The following SEC63 variants were observed in gnomAD, a reference collection of about 807,000 sequenced individuals.
The protein encoded by SEC63 is SEC63 protein translocation regulator.
Under a neutral mutation model 116.2 loss-of-function variants are expected in SEC63, and 56 were observed. The ratio of observed to expected loss-of-function variants is 0.48; its 90% CI spans 0.39 to 0.60. SEC63 has a LOEUF of 0.60. Ranked by LOEUF, SEC63 falls within the 20% of genes least tolerant of loss-of-function variation. The probability of loss-of-function intolerance (pLI) is 0.00; values close to 1 mark genes in which losing one functional copy is unlikely to be tolerated. For synonymous variants in SEC63, 273 were observed against 294.6 expected (o/e 0.93, Z 0.75); for missense variants, 668 against 900.0 (o/e 0.74, Z 3.30).
intron 1 of SEC63, among the ~76,000 whole-genome samples, chr6:107,951,116 G>C (rs1402046844): frequency 3.3e-5 from 5 of 152,114 alleles, no homozygotes; most frequent in African/African-American, 9.7e-5. Context: ...CACTAGGAAA[G>C]ACAAACATTA....
At chr6:107,933,058 G>A (rs1420005878) in intron 1 of SEC63, among the ~76,000 whole-genome samples, 1 of 152,056 alleles carries the variant, frequency 6.6e-6, no homozygotes, top group Non-Finnish European at 1.5e-5. Context: ...CATAATCACA[G>A]GGGTACTTTT....
Position 107,929,403 on chromosome 6 carries a change from T to A in SEC63, c.224+12A>T. 7.1e-7 allele frequency: 1 copy of A among 1,411,826 alleles called. No homozygotes were observed. Among genetic ancestry groups the A allele is most frequent in the Non-Finnish European group, 1.0e-6 (1 of 996,646 alleles). The allele number at this position is 1,411,826 out of a possible 1,614,324, so 87.5% of individuals were successfully genotyped here. On this transcript the variant is annotated intron_variant, in intron 2 of 20. Coordinates refer to ENST00000369002, the MANE Select transcript of SEC63 (RefSeq NM_007214.5). ...CATTAAGTAGGTTTTTTTCTTGAAA[T>A]CCATTACTTACTTTACTGTAGGAAT...
chr6:107,941,877 C>A (rs960427946), intron 1 of SEC63, among the ~76,000 whole-genome samples: 1 of 152,152 alleles, frequency 6.6e-6, no homozygotes, highest in Non-Finnish European at 1.5e-5. Context: ...AAGAGAAAAA[C>A]GGGACACATA....
At chr6:107,915,356 A>C (rs1020460389) in intron 4 of SEC63, among the ~76,000 whole-genome samples, 2 of 152,168 alleles carry the variant, frequency 1.3e-5, no homozygotes, top group African/African-American at 2.4e-5. Flanking sequence ...CAGGGACTCC[A>C]GATCATAAAT....
rs1770752129 is a variant in SEC63, at chr6:107,958,110, C to A, written c.-101G>T. On this transcript the variant is annotated 5_prime_UTR_variant, in exon 1 of 21. Transcript: ENST00000369002. ...CGGCCCGAGTGGCGTAGCTTGGACA[C>A]TGCCGCCGCCGCCTCTCCTCCCCGC... 3.2e-6 allele frequency: 5 copies of A among 1,548,088 alleles called. No individual in the cohort carries two copies. The South Asian group carries it at 4.5e-5, about 14-fold the overall frequency.
At chr6:107,882,401 C>T (rs1035478623) in intron 17 of SEC63, among the ~76,000 whole-genome samples, 4 of 152,170 alleles carry the variant, frequency 2.6e-5, no homozygotes, top group Non-Finnish European at 5.9e-5. Context: ...AAATTATGTG[C>T]AACTTAATGC....
intron 12 of SEC63, 99 bp downstream of exon 12, chr6:107,902,745 A>G (rs1483420980): frequency 1.7e-6 from 2 of 1,157,108 alleles, no homozygotes; most frequent in Non-Finnish European, 2.6e-6. Flanking sequence ...CTAAATCTAA[A>G]AAATGCATAG....
intron 1 of SEC63, among the ~76,000 whole-genome samples, chr6:107,938,247 AT>A (rs4028676): frequency 0.1 from 13,811 of 133,772 alleles, 670 homozygotes; most frequent in East Asian, 0.21. Context: ...TGGTGAGTTA[AT>A]TTTTTTTTTT....
chr6:107,893,662 A>T lies in SEC63; in HGVS notation c.1501-7T>A. On this transcript the variant is annotated splice_polypyrimidine_tract_variant and splice_region_variant and intron_variant, in intron 15 of 20. Transcript: ENST00000369002. ...TCTTGTTAGTTTCACCCTGCTGTGA[A>T]TCATAACACGTCACACTCTTAAGTT... 6.2e-7 allele frequency: 1 copy of T among 1,613,908 alleles called. No individual in the cohort carries two copies. Among genetic ancestry groups the T allele is most frequent in the Non-Finnish European group, 8.5e-7 (1 of 1,179,938 alleles).
At chr6:107,924,731 G>C (rs1787636535) in intron 3 of SEC63, 87 bp downstream of exon 3, 28 of 729,432 alleles carry the variant, frequency 3.8e-5, no homozygotes, top group South Asian at 3.6e-4. Context: ...ATTTCTATAG[G>C]AATAGACAAT....
At chr6:107,910,597 C>T (rs1277448364) in intron 7 of SEC63, among the ~76,000 whole-genome samples, 4 of 151,606 alleles carry the variant, frequency 2.6e-5, no homozygotes, top group African/African-American at 9.7e-5. Context: ...GTATGTCATA[C>T]ACACACGTGT....
chr6:107,957,995 C>A lies in SEC63; in HGVS notation c.15G>T (p.Gln5His). ...TGTTCCCACTGTCATCGTACTGGAACTGCTGCCCGGCCATGGCACCCCCTC... is the reference window on the plus strand; with the variant it reads ...TGTTCCCACTGTCATCGTACTGGAAATGCTGCCCGGCCATGGCACCCCCTC... MAGQ[Q>H]FQYDDSGNTF... Residue 5 changes from glutamine to histidine, a missense_variant, in exon 1 of 21, where the codon CAG (glutamine) becomes CAT (histidine). Physicochemically the swap from Gln to His is conservative, Grantham distance 24. Transcript: ENST00000369002. 1 of 1,613,470 alleles carries A rather than the reference C, an allele frequency of 6.2e-7. No individual in the cohort carries two copies. The highest frequency in any genetic ancestry group is 1.7e-5 in the Admixed American group (1 of 60,012).
chr6:107,894,333 A>G (rs925957708), intron 14 of SEC63, among the ~76,000 whole-genome samples: 3 of 152,172 alleles, frequency 2.0e-5, no homozygotes, highest in Admixed American at 2.0e-4. Flanking sequence ...TTTATTCACT[A>G]TTGTCAGTGA....
intron 20 of SEC63, 152 bp downstream of exon 20, chr6:107,872,656 G>A (rs538242685): frequency 4.0e-5 from 23 of 582,260 alleles, no homozygotes; most frequent in African/African-American, 3.6e-4. Context: ...GTTTATTATT[G>A]AAAGAGTAGT....
At chr6:107,879,078 G>A (rs1445050661) in intron 18 of SEC63, among the ~76,000 whole-genome samples, 1 of 152,228 alleles carries the variant, frequency 6.6e-6, no homozygotes, top group African/African-American at 2.4e-5. Context: ...TAAGTGGGTA[G>A]TTTGGTAGTT....
intron 17 of SEC63, 138 bp downstream of exon 17, chr6:107,882,850 T>C (rs527676867): frequency 5.1e-6 from 3 of 588,480 alleles, no homozygotes; most frequent in Admixed American, 3.2e-5. Flanking sequence ...TTCAAAGTAA[T>C]AAAATTATAA....
Position 107,913,428 on chromosome 6 carries a change from C to G in SEC63, c.453-1G>C. 1 of 1,612,328 alleles carries G rather than the reference C, an allele frequency of 6.2e-7. No individual in the cohort carries two copies. ...TTTCCGGGACTCTTCATCCGTTAAA[C>G]TAGCATCAAAAGAACAAAGTTGCAA... On this transcript the variant is annotated splice_acceptor_variant, in intron 4 of 20. Coordinates refer to ENST00000369002, the MANE Select transcript of SEC63 (RefSeq NM_007214.5). LOFTEE classifies it high-confidence loss of function.
chr6:107,879,052 G>GT (rs1786345814), intron 18 of SEC63, among the ~76,000 whole-genome samples: 1 of 152,178 alleles, frequency 6.6e-6, no homozygotes, highest in Admixed American at 6.5e-5. Context: ...TCACTAACAT[G>GT]TAAGTCAAAT....
rs550159326 is a variant in SEC63 at position 107,874,398 on chromosome 6, T to C, written c.2035-1486A>G. On this transcript the variant is annotated intron_variant, in intron 19 of 20. Coordinates refer to ENST00000369002, the MANE Select transcript of SEC63 (RefSeq NM_007214.5). ...TCACAAGGTCAGGAGATTGAGACCA[T>C]CATGGCTAACACAGTGAAACCCCGT... Among the ~76,000 whole-genome samples, 27 of 151,964 alleles carry C rather than the reference T, an allele frequency of 1.8e-4. No homozygotes were observed. In the South Asian group the frequency reaches 5.6e-3, roughly 32 times the overall value.
Sources: allele counts gnomAD v4.1 joint callset (sites outside exome capture counted in the v4.1 genomes callset), GRCh38; gene constraint gnomAD v4.1.1; transcripts MANE v1.5; gene names NCBI Gene and HGNC (gene_info 2026-07-23, HGNC 2026-07-21).